TMEM86B: variants seen among roughly 807,000 people sequenced by gnomAD.
TMEM86B encodes the protein lysoplasmalogenase TMEM86B.
In TMEM86B, 15 loss-of-function variants were observed where a neutral mutation model predicts 12.3. The ratio of observed to expected loss-of-function variants is 1.22; its 90% confidence interval spans 0.81 to 1.87. The LOEUF (loss-of-function observed/expected upper bound fraction) is 1.87. Among genes scored for constraint, TMEM86B ranks in the 40% most tolerant of loss-of-function variants. The pLI is 0.00. For missense variants in TMEM86B, 328 were observed against 297.4 expected (o/e 1.10, Z -0.76); for synonymous variants, 173 against 140.3 (o/e 1.23, Z -1.65).
At position 55,227,284 on chromosome 19, in the gene TMEM86B, T is replaced by C. The variant is rs1385763533; in HGVS notation, c.578A>G (p.Gln193Arg). The change falls in exon 3 of 3, where the codon CAG (glutamine) becomes CGG (arginine). Residue 193 changes from glutamine to arginine, a missense_variant. Coordinates refer to ENST00000327042, the MANE Select transcript of TMEM86B (RefSeq NM_173804.5). ...CACCAGGTGGGCATGGGGCAGGGGC[T>C]GGGCGAAGGTGTCCCAGGCCAGCAC... ...DGVLAWDTFA[Q>R]PLPHAHLVIM... The C allele has an allele frequency of 6.8e-6, 11 of 1,608,238 alleles. No homozygotes were observed. The highest frequency in any genetic ancestry group is 9.3e-6 in the Non-Finnish European group (11 of 1,176,838).
chr19:55,227,840 A>G (rs1210810746), intron 2 of TMEM86B: 1 of 588,886 alleles, frequency 1.7e-6, no homozygotes, highest in Admixed American at 3.3e-5. Context: ...AGCACCTGAC[A>G]CGTCCCTGCC....
At chr19:55,228,619 C>T in intron 1 of TMEM86B, 72 bp downstream of exon 1, 1 of 1,556,822 alleles carries the variant, frequency 6.4e-7, no homozygotes. Context: ...ACAGCAGCTC[C>T]CAGACCCGCC....
At chr19:55,228,030 C>T (rs755821430) in intron 2 of TMEM86B, 161 bp downstream of exon 2, 712 of 1,269,056 alleles carry the variant, frequency 5.6e-4, no homozygotes, top group Non-Finnish European at 6.9e-4. Context: ...CTGCCCCCAC[C>T]CCTCGCTGGA....
intron 2 of TMEM86B, 102 bp from the exon 3 acceptor site, chr19:55,227,665 G>C (rs1005293601): frequency 1.4e-6 from 2 of 1,397,830 alleles, no homozygotes; most frequent in Non-Finnish European, 1.9e-6. Context: ...CAGAGCACCA[G>C]GCCCCACCCT....
rs1370159311 is a variant in TMEM86B, at chr19:55,227,073, C to T, written c.*108G>A. ...GGCGGCAGCGGCGCCTGCAGACAGG[C>T]GTCAGGAAGCTTCGCTGCTGAGGGT... On this transcript the variant is annotated 3_prime_UTR_variant, in exon 3 of 3. Coordinates refer to ENST00000327042, the MANE Select transcript of TMEM86B (RefSeq NM_173804.5). 5 of 1,258,116 alleles carry T rather than the reference C, an allele frequency of 4.0e-6. No individual in the cohort carries two copies. The highest frequency in any genetic ancestry group is 2.5e-5 in the South Asian group (1 of 39,626). 77.9% of individuals were successfully genotyped at this position (1,258,116 alleles called of 1,614,324 possible). A position where few individuals can be genotyped will look rare whatever the true frequency, so the allele number is the denominator to read the frequency against.
In TMEM86B at chr19:55,228,505, T is replaced by C. The variant is rs752935867; in HGVS notation, c.52-68A>G. On this transcript the variant is annotated intron_variant, in intron 1 of 2. Coordinates refer to ENST00000327042, the MANE Select transcript of TMEM86B (RefSeq NM_173804.5). ...CCCCATTCTTGGGACTCAGATCTCATGGCTCCTGTCCCACCCCCACCTGGG... is the reference window on the plus strand; with the variant it reads ...CCCCATTCTTGGGACTCAGATCTCACGGCTCCTGTCCCACCCCCACCTGGG... 6 of 1,586,714 alleles carry C rather than the reference T, an allele frequency of 3.8e-6. No homozygotes were observed. The South Asian group carries it at 4.5e-5, about 12-fold the overall frequency.
intron 2 of TMEM86B, chr19:55,227,847 T>A: frequency 1.7e-6 from 1 of 589,118 alleles, no homozygotes; most frequent in Non-Finnish European, 2.9e-6. Context: ...GACACGTCCC[T>A]GCCCCGGAGC....
Position 55,227,008 on chromosome 19 carries a change from T to G in TMEM86B, c.*173A>C, listed in dbSNP as rs2087287147. ...CTGGAACCCAGTAGTGGACTTGGAA[T>G]TCCGCAAATCGTCCTCAAACGTCTT... On this transcript the variant is annotated 3_prime_UTR_variant, in exon 3 of 3. Coordinates refer to ENST00000327042, the MANE Select transcript of TMEM86B (RefSeq NM_173804.5). 1.5e-6 allele frequency: 1 copy of G among 685,630 alleles called. No individual in the cohort carries two copies. Among genetic ancestry groups the G allele is most frequent in the Non-Finnish European group, 2.1e-6 (1 of 472,966 alleles). The allele number at this position is 685,630 out of a possible 1,614,324, so 42.5% of individuals were successfully genotyped here.
rs539170475 is a variant in TMEM86B at position 55,227,624 on chromosome 19, C to T, written c.299-61G>A. ...CCCATCCTGGGAATGGCCCCGAGGT[C>T]ACCCCTCAGGGCCTAAGAGAAGGAC... On this transcript the variant is annotated intron_variant, in intron 2 of 2. Coordinates refer to ENST00000327042, the MANE Select transcript of TMEM86B (RefSeq NM_173804.5). 10 of 1,468,102 alleles carry T rather than the reference C, an allele frequency of 6.8e-6. No individual in the cohort carries two copies. The East Asian group carries it at 2.0e-4, about 29-fold the overall frequency. 90.9% of individuals were successfully genotyped at this position (1,468,102 alleles called of 1,614,324 possible).
In TMEM86B at chr19:55,228,390, G is replaced by C. The variant is rs111961448; in HGVS notation, c.99C>G (p.Cys33Trp). Residue 33 changes from cysteine (C) to tryptophan (W), a missense_variant, in exon 2 of 3, where the codon TGC becomes TGG. Physicochemically the swap from Cys to Trp is radical, Grantham distance 215. Transcript: ENST00000327042. ...RWLSPFILSC[C>W]VYFCLWIPED... ...CGGGAATCCAGAGGCAGAAGTACAC[G>C]CAGCAGGAGAGGATGAAGGGGCTCA... The C allele has an allele frequency of 6.2e-7, 1 of 1,613,734 alleles. No individual in the cohort carries two copies. The highest frequency in any genetic ancestry group is 1.1e-5 in the South Asian group (1 of 91,084).
Position 55,228,412 on chromosome 19 carries a change from C to T in TMEM86B, c.77G>A (p.Ser26Asn), listed in dbSNP as rs1200196110. 6 of 1,613,058 alleles carry T rather than the reference C, an allele frequency of 3.7e-6. No homozygotes were observed. In the South Asian group the frequency reaches 5.5e-5, roughly 15 times the overall value. The change falls in exon 2 of 3, where the codon AGC (serine) becomes AAC (asparagine). Residue 26 changes from serine to asparagine, a missense_variant. By Grantham distance (46) the Ser-to-Asn change is conservative. Coordinates refer to ENST00000327042, the MANE Select transcript of TMEM86B (RefSeq NM_173804.5). ...AQRPDVCRWLSPFILSCCVYF... is the reference protein window; with the variant it reads ...AQRPDVCRWLNPFILSCCVYF... Reference sequence around the variant, plus strand: ...CACGCAGCAGGAGAGGATGAAGGGGCTCAGCCACCTGCAGACATCTGGGCG... The same window carrying T: ...CACGCAGCAGGAGAGGATGAAGGGGTTCAGCCACCTGCAGACATCTGGGCG...
rs1465623246 is a variant in TMEM86B at position 55,227,430 on chromosome 19, C to T, written c.432G>A (p.Glu144=). The T allele has an allele frequency of 6.4e-7, 1 of 1,568,910 alleles. No individual in the cohort carries two copies. The highest frequency in any genetic ancestry group is 1.2e-5 in the South Asian group (1 of 85,926). ...CTGCCACCGGCAGGACCATATCCGG[C>T]TCGAGGTGCTGGAGCACAAGGCTGA... ...PYLSLVLQHL[E]PDMVLPVAAY... Residue 144 remains glutamate, a synonymous_variant, in exon 3 of 3, where the codon GAG becomes GAA. Coordinates refer to ENST00000327042, the MANE Select transcript of TMEM86B (RefSeq NM_173804.5).
intron 2 of TMEM86B, 96 bp from the exon 3 acceptor site, chr19:55,227,659 G>GCAC (rs771636648): frequency 1.4e-6 from 2 of 1,411,040 alleles, no homozygotes; most frequent in Non-Finnish European, 1.9e-6. Context: ...CCATCCCAGA[G>GCAC]CACCAGGCCC....
intron 2 of TMEM86B, 116 bp downstream of exon 2, chr19:55,228,075 C>G: frequency 6.9e-7 from 1 of 1,450,298 alleles, no homozygotes; most frequent in Non-Finnish European, 9.0e-7. Context: ...GCGCCCCCCA[C>G]TGTGCCTTTG....
rs191347565 is a variant in TMEM86B, at chr19:55,227,691, C to T, written c.299-128G>A. On this transcript the variant is annotated intron_variant, in intron 2 of 2. Coordinates refer to ENST00000327042, the MANE Select transcript of TMEM86B (RefSeq NM_173804.5). ...GCCCCACCCTGGCCGAGCCTCCTTG[C>T]AGGTCTCCCCACATGCAGTGTCCAT... is the stretch of plus-strand genomic sequence containing the variant. 4,125 of 1,218,648 alleles carry T rather than the reference C, an allele frequency of 3.4e-3. 16 individuals carry two copies. Among genetic ancestry groups the T allele is most frequent in the Non-Finnish European group, 4.1e-3 (3,676 of 902,630 alleles). The allele number at this position is 1,218,648 out of a possible 1,614,324, so 75.5% of individuals were successfully genotyped here. A position where few individuals can be genotyped will look rare whatever the true frequency, so the allele number is the denominator to read the frequency against.
Position 55,227,012 on chromosome 19 carries a change from G to A in TMEM86B, c.*169C>T, listed in dbSNP as rs150084659. On this transcript the variant is annotated 3_prime_UTR_variant, in exon 3 of 3. Coordinates refer to ENST00000327042, the MANE Select transcript of TMEM86B (RefSeq NM_173804.5). ...AACCCAGTAGTGGACTTGGAATTCC[G>A]CAAATCGTCCTCAAACGTCTTCAGC... 56 of 728,992 alleles carry A rather than the reference G, an allele frequency of 7.7e-5. No homozygotes were observed. Among genetic ancestry groups the A allele is most frequent in the Non-Finnish European group, 9.6e-5 (49 of 511,372 alleles). 45.2% of individuals were successfully genotyped at this position (728,992 alleles called of 1,614,324 possible).
chr19:55,228,489 T>C (rs2087307020), intron 1 of TMEM86B, 52 bp from the exon 2 acceptor site: 2 of 1,599,488 alleles, frequency 1.3e-6, no homozygotes, highest in East Asian at 2.2e-5. Context: ...CCCCCATTCT[T>C]GGGACTCAGA....
chr19:55,227,888 T>C (rs1210598520), intron 2 of TMEM86B: 1 of 601,958 alleles, frequency 1.7e-6, no homozygotes, highest in African/African-American at 1.8e-5. Context: ...CACACAGGCA[T>C]ACAGCCCTTC....
Position 55,227,205 on chromosome 19 carries a change from C to T in TMEM86B, c.657G>A (p.Arg219=), listed in dbSNP as rs1419527594. 2 of 1,538,114 alleles carry T rather than the reference C, an allele frequency of 1.3e-6. No homozygotes were observed. Among genetic ancestry groups the T allele is most frequent in the African/African-American group, 1.4e-5 (1 of 73,512 alleles). The change falls in exon 3 of 3, where the codon AGG becomes AGA. Residue 219 remains arginine, a synonymous_variant. Coordinates refer to ENST00000327042, the MANE Select transcript of TMEM86B (RefSeq NM_173804.5). ...AQLLITLSAL[R]SPVPKTD is the part of the protein sequence containing the mutation. ...GTCAGTCAGTCTTGGGCACCGGGCT[C>T]CTGAGGGCTGACAGTGTGATGAGGA...
Sources: allele counts gnomAD v4.1 joint callset, GRCh38; gene constraint gnomAD v4.1.1; transcripts MANE v1.5; gene names NCBI Gene and HGNC (gene_info 2026-07-23, HGNC 2026-07-21).